LIMK2: variants seen among roughly 807,000 people sequenced by gnomAD.
LIMK2 encodes the protein LIM domain kinase 2.
Under a neutral mutation model 75.7 loss-of-function variants are expected in LIMK2, and 35 were observed. That is an observed-to-expected ratio of 0.46 (90% CI 0.35 to 0.61). The LOEUF (loss-of-function observed/expected upper bound fraction) is 0.61, where lower values mean the gene tolerates loss of function less well. Among genes scored for constraint, LIMK2 ranks in the 20% least tolerant of loss-of-function variants. The probability of loss-of-function intolerance (pLI) is 0.00; values close to 1 mark genes in which losing one functional copy is unlikely to be tolerated. For synonymous variants in LIMK2, 301 were observed against 319.2 expected (o/e 0.94, Z 0.61); for missense variants, 623 against 831.0 (o/e 0.75, Z 3.08).
intron 2 of LIMK2, among the ~76,000 whole-genome samples, chr22:31,238,004 A>C (rs2048593805): frequency 6.6e-6 from 1 of 150,730 alleles, no homozygotes; most frequent in Non-Finnish European, 1.5e-5. Flanking sequence ...AATCCCAGCT[A>C]CTTGGGAGGC....
At chr22:31,271,060 C>T in intron 11 of LIMK2, 76 bp from the exon 12 acceptor site, 1 of 1,368,648 alleles carries the variant, frequency 7.3e-7, no homozygotes, top group Admixed American at 1.7e-5. Context: ...AGGAGAGCAT[C>T]TATGGCGCCC....
chr22:31,278,017 A>G (rs1021755940), intron 15 of LIMK2, among the ~76,000 whole-genome samples: 4 of 152,140 alleles, frequency 2.6e-5, no homozygotes, highest in African/African-American at 9.7e-5. Flanking sequence ...TCCACCTTTG[A>G]TAACTGCATT....
At chr22:31,231,778 T>TTA (rs1265652996) in intron 2 of LIMK2, among the ~76,000 whole-genome samples, 7 of 152,146 alleles carry the variant, frequency 4.6e-5, no homozygotes, top group Admixed American at 4.6e-4. Flanking sequence ...ATTAAGAACC[T>TTA]CACTTAGATT....
rs2048849789 is a variant in LIMK2, at chr22:31,262,380, T to A, written c.657+141T>A. On this transcript the variant is annotated intron_variant, in intron 6 of 15. Transcript: ENST00000331728. This position sits in a 1 kb window ranked among gnomAD's most constrained non-coding sequence, Gnocchi z 5.0. The stretch of plus-strand genomic sequence containing the variant: ...TGAGCCTGTGACCACTGGTGACCTA[T>A]TTCAGCGTAACAGGTTCCCAGGGTA... 6 of 825,774 alleles carry A rather than the reference T, an allele frequency of 7.3e-6. No individual in the cohort carries two copies. The highest frequency in any genetic ancestry group is 1.2e-5 in the Non-Finnish European group (6 of 505,316). The allele number at this position is 825,774 out of a possible 1,614,324, so 51.2% of individuals were successfully genotyped here. A position where few individuals can be genotyped will look rare whatever the true frequency, so the allele number is the denominator to read the frequency against.
At chr22:31,258,633 G>A (rs550914077) in intron 3 of LIMK2, 15 of 543,948 alleles carry the variant, frequency 2.8e-5, no homozygotes, top group Admixed American at 6.4e-5. Flanking sequence ...ATAGTTGAAC[G>A]TTGGGAGTGG....
chr22:31,234,406 C>A (rs997976799), intron 2 of LIMK2, among the ~76,000 whole-genome samples: 1 of 151,514 alleles, frequency 6.6e-6, no homozygotes, highest in African/African-American at 2.4e-5. Context: ...CACAACTTCC[C>A]AGTGTTCTTG....
chr22:31,238,567 A>C (rs1271001006), intron 2 of LIMK2, among the ~76,000 whole-genome samples: 1 of 152,200 alleles, frequency 6.6e-6, no homozygotes, highest in Non-Finnish European at 1.5e-5. Flanking sequence ...AAAGGCCAAA[A>C]GCTAGGCCTA....
chr22:31,213,059 T>A (rs773282940), intron 1 of LIMK2, among the ~76,000 whole-genome samples: 8 of 151,952 alleles, frequency 5.3e-5, no homozygotes, highest in Non-Finnish European at 7.4e-5. Flanking sequence ...ATCGGACCAT[T>A]CTTTTTGGGG....
At chr22:31,255,287 A>T (rs2048767075) in intron 2 of LIMK2, among the ~76,000 whole-genome samples, 1 of 152,170 alleles carries the variant, frequency 6.6e-6, no homozygotes, top group Admixed American at 6.5e-5. Context: ...CATGTATCTT[A>T]TATTGAGAGG....
intron 2 of LIMK2, among the ~76,000 whole-genome samples, chr22:31,256,182 A>G (rs1200314285): frequency 6.9e-6 from 1 of 144,508 alleles, no homozygotes; most frequent in Non-Finnish European, 1.5e-5. Flanking sequence ...TATTTTTAGT[A>G]GAGACAGGGT....
At chr22:31,246,217 G>A (rs888524846) in intron 2 of LIMK2, among the ~76,000 whole-genome samples, 1 of 65,694 alleles carries the variant, frequency 1.5e-5, no homozygotes, top group Non-Finnish European at 4.4e-5. Flanking sequence ...ACACACACAC[G>A]CTGGGTATGG....
At chr22:31,254,972 A>G (rs898246196) in intron 2 of LIMK2, among the ~76,000 whole-genome samples, 1 of 151,328 alleles carries the variant, frequency 6.6e-6, no homozygotes, top group Non-Finnish European at 1.5e-5. Flanking sequence ...AAAAAAAAAG[A>G]AAAAAGAAAA....
In LIMK2 at chr22:31,279,079, C is replaced by G. The variant is rs1465323790; in HGVS notation, c.*638C>G. Reference sequence around the variant, plus strand: ...TTACCTGCTCACTGGCTCTAGCCAGCCCAGGGACCACATCAATGTGAGAGG... The same window carrying G: ...TTACCTGCTCACTGGCTCTAGCCAGGCCAGGGACCACATCAATGTGAGAGG... On this transcript the variant is annotated 3_prime_UTR_variant, in exon 16 of 16. Coordinates refer to ENST00000331728, the MANE Select transcript of LIMK2 (RefSeq NM_005569.4). 1 of 152,232 alleles carries G rather than the reference C, an allele frequency of 6.6e-6. No homozygotes were observed. Among genetic ancestry groups the G allele is most frequent in the Non-Finnish European group, 1.5e-5 (1 of 68,060 alleles). The allele number at this position is 152,232 out of a possible 1,614,324, so 9.4% of individuals were successfully genotyped here.
At chr22:31,254,329 A>T (rs1201538295) in intron 2 of LIMK2, among the ~76,000 whole-genome samples, 1 of 152,222 alleles carries the variant, frequency 6.6e-6, no homozygotes, top group Non-Finnish European at 1.5e-5. Flanking sequence ...TTTGGGTGCA[A>T]ATAAGTCTGC....
chr22:31,224,615 C>T (rs1287487408), intron 1 of LIMK2, among the ~76,000 whole-genome samples: 1 of 152,182 alleles, frequency 6.6e-6, no homozygotes, highest in African/African-American at 2.4e-5. Flanking sequence ...ATGAAAGCAC[C>T]TAGCAGAGTT....
chr22:31,277,016 A>C, intron 15 of LIMK2: 1 of 1,613,962 alleles, frequency 6.2e-7, no homozygotes, highest in East Asian at 2.2e-5. Flanking sequence ...GAGAGTGACG[A>C]TGCCTGGGCT....
At chr22:31,216,755 C>T (rs2048392332) in intron 1 of LIMK2, among the ~76,000 whole-genome samples, 1 of 152,158 alleles carries the variant, frequency 6.6e-6, no homozygotes, top group African/African-American at 2.4e-5. Context: ...GGATTTTCTG[C>T]ATCTTCTGGA....
Position 31,262,897 on chromosome 22 carries a change from G to T in LIMK2, c.854+106G>T. 9.4e-7 allele frequency: 1 copy of T among 1,059,026 alleles called. No individual in the cohort carries two copies. 65.6% of individuals were successfully genotyped at this position (1,059,026 alleles called of 1,614,324 possible). A position where few individuals can be genotyped will look rare whatever the true frequency, so the allele number is the denominator to read the frequency against. ...AGTTAGGAAAGGAACCAGCTGGCCAGGGACAGACTATGAGGATTGTGCTGA... is the reference window on the plus strand; with the variant it reads ...AGTTAGGAAAGGAACCAGCTGGCCATGGACAGACTATGAGGATTGTGCTGA... On this transcript the variant is annotated intron_variant, in intron 7 of 15. Transcript: ENST00000331728. This position sits in a 1 kb window ranked among gnomAD's most constrained non-coding sequence, Gnocchi z 5.0.
At chr22:31,258,876 G>A (rs2123835150) in intron 3 of LIMK2, 1 of 466,130 alleles carries the variant, frequency 2.1e-6, no homozygotes, top group African/African-American at 1.9e-5. Context: ...CTTTTTTAGT[G>A]GGGATGATTA....
Sources: gnomAD v4.1 joint callset for allele counts (sites outside exome capture counted in the v4.1 genomes callset) on GRCh38, gnomAD v4.1.1 for gene constraint, Gnocchi (gnomAD v3.1) non-coding constraint, MANE v1.5 for transcripts, NCBI Gene and HGNC (gene_info 2026-07-23, HGNC 2026-07-21) for gene names.